The following KIF26B variants were observed in gnomAD, a reference collection of about 807,000 sequenced individuals.
KIF26B encodes kinesin family member 26B.
In KIF26B, 63 loss-of-function variants were observed where a neutral mutation model predicts 151.2. The ratio of observed to expected loss-of-function variants is 0.42; its 90% CI spans 0.34 to 0.51. The LOEUF (loss-of-function observed/expected upper bound fraction) is 0.51. Ranked by LOEUF, KIF26B falls within the 20% of genes least tolerant of loss-of-function variation. The pLI is 0.07. For synonymous variants in KIF26B, 1,357 were observed against 1,262.1 expected (o/e 1.08, Z -1.59); for missense variants, 2,813 against 2,913.6 (o/e 0.97, Z 0.79).
chr1:245,510,576 T>TTCTC (rs4021193), intron 4 of KIF26B, among the ~76,000 whole-genome samples: 2,938 of 134,020 alleles, frequency 0.022, 105 homozygotes, highest in African/African-American at 0.077. Flanking sequence ...TTAGCAGAGC[T>TTCTC]TCTCTCTCTC....
chr1:245,325,456 G>A (rs1044167282), intron 2 of KIF26B, among the ~76,000 whole-genome samples: 7 of 152,240 alleles, frequency 4.6e-5, no homozygotes, highest in African/African-American at 1.7e-4. Context: ...GCTCACGCCA[G>A]TAATCCCAGC....
intron 2 of KIF26B, among the ~76,000 whole-genome samples, chr1:245,320,408 CCT>C (rs948267026): frequency 2.6e-5 from 4 of 152,308 alleles, no homozygotes; most frequent in African/African-American, 4.8e-5. Context: ...CTCAGTTTCC[CCT>C]GTTATTAGCA....
At chr1:245,309,519 G>T (rs1671624121) in intron 2 of KIF26B, among the ~76,000 whole-genome samples, 1 of 152,068 alleles carries the variant, frequency 6.6e-6, no homozygotes, top group East Asian at 1.9e-4. Context: ...CTGGTTCTCA[G>T]CCCTTTGGAC....
intron 3 of KIF26B, among the ~76,000 whole-genome samples, chr1:245,369,013 C>T (rs1287733126): frequency 6.6e-6 from 1 of 152,122 alleles, no homozygotes; most frequent in Non-Finnish European, 1.5e-5. Flanking sequence ...TGGCATGCGC[C>T]TGTAGTGTCA....
chr1:245,372,131 T>G (rs1392589594), intron 3 of KIF26B, among the ~76,000 whole-genome samples: 1 of 152,030 alleles, frequency 6.6e-6, no homozygotes, highest in Non-Finnish European at 1.5e-5. Context: ...CATTACCTCC[T>G]GAGCTCCATC....
intron 10 of KIF26B, among the ~76,000 whole-genome samples, chr1:245,679,942 C>G (rs2044410632): frequency 6.6e-6 from 1 of 152,128 alleles, no homozygotes; most frequent in Admixed American, 6.5e-5. Flanking sequence ...CCAGGGCCCC[C>G]CAACCCAAAC....
At chr1:245,605,361 C>T (rs545053570) in intron 6 of KIF26B, among the ~76,000 whole-genome samples, 2 of 152,282 alleles carry the variant, frequency 1.3e-5, no homozygotes, top group East Asian at 1.9e-4. Flanking sequence ...AGGGAGTGTG[C>T]GGAGTGGGCC....
At chr1:245,324,155 TGGA>T (rs1671941050) in intron 2 of KIF26B, among the ~76,000 whole-genome samples, 1 of 149,304 alleles carries the variant, frequency 6.7e-6, no homozygotes, top group Non-Finnish European at 1.5e-5. Flanking sequence ...GGAGGTGGGG[TGGA>T]CCCTGATGTG....
At chr1:245,344,268 A>G (rs1359445498) in intron 2 of KIF26B, among the ~76,000 whole-genome samples, 2 of 145,436 alleles carry the variant, frequency 1.4e-5, no homozygotes, top group South Asian at 4.3e-4. Context: ...TTTTTCTTCC[A>G]TCTCTTAATT....
chr1:245,277,863 G>A (rs1162009059), intron 2 of KIF26B, among the ~76,000 whole-genome samples: 1 of 152,090 alleles, frequency 6.6e-6, no homozygotes, highest in Non-Finnish European at 1.5e-5. Context: ...AAAACCACAA[G>A]GAGGTATGCT....
intron 12 of KIF26B, among the ~76,000 whole-genome samples, chr1:245,697,268 G>C (rs983564925): frequency 2.6e-5 from 4 of 152,214 alleles, no homozygotes; most frequent in African/African-American, 9.7e-5. Flanking sequence ...CCTGTACCAT[G>C]CAAGAGTTTA....
At position 245,495,032 on chromosome 1, in the gene KIF26B, GAGAAA is replaced by G. The variant is rs146169441; in HGVS notation, c.1167-45719_1167-45715del. ...GTGACAGAGATCCTGTCTCACAAAA[GAGAAA>G]AGAAAAGAAAAGAAATAAAGAAAAG... On this transcript the variant is annotated intron_variant, in intron 4 of 14. Coordinates refer to ENST00000407071, the MANE Select transcript of KIF26B (RefSeq NM_018012.4). The surrounding 1 kb of genome is among the most constrained non-coding windows in gnomAD (Gnocchi z 4.2). Among the ~76,000 whole-genome samples, 3,838 of 151,984 alleles carry G rather than the reference GAGAAA, an allele frequency of 0.025. 156 individuals are homozygous for G. The highest frequency in any genetic ancestry group is 0.086 in the African/African-American group (3,562 of 41,408).
intron 2 of KIF26B, among the ~76,000 whole-genome samples, chr1:245,336,549 G>C (rs2102993783): frequency 6.6e-6 from 1 of 152,342 alleles, no homozygotes; most frequent in East Asian, 1.9e-4. Context: ...GCAGGAAAAG[G>C]TTCTCTCTGG....
At chr1:245,415,268 C>T (rs111740692) in intron 3 of KIF26B, among the ~76,000 whole-genome samples, 3,085 of 152,272 alleles carry the variant, frequency 0.02, 48 homozygotes, top group Middle Eastern at 0.037. Context: ...CAGAGAGCTT[C>T]AGAAAGAATT....
At chr1:245,477,532 C>A (rs995723130) in intron 4 of KIF26B, among the ~76,000 whole-genome samples, 1 of 151,706 alleles carries the variant, frequency 6.6e-6, no homozygotes, top group African/African-American at 2.4e-5. Context: ...AGCGCAGGTA[C>A]GGAAGTGGAA....
chr1:245,469,785 G>A (rs1481704436), intron 4 of KIF26B, among the ~76,000 whole-genome samples: 1 of 152,156 alleles, frequency 6.6e-6, no homozygotes. Context: ...GAGCCCTATT[G>A]CAACACATCC....
At chr1:245,580,121 T>C (rs976902168) in intron 5 of KIF26B, among the ~76,000 whole-genome samples, 1 of 152,202 alleles carries the variant, frequency 6.6e-6, no homozygotes, top group Non-Finnish European at 1.5e-5. Flanking sequence ...GCATAACTGC[T>C]GTAACAGCTG....
chr1:245,562,099 C>G (rs559484810), intron 5 of KIF26B, among the ~76,000 whole-genome samples: 4 of 152,076 alleles, frequency 2.6e-5, no homozygotes, highest in African/African-American at 9.7e-5. Context: ...GTCCTCCAGC[C>G]GTACTTTGTC....
At chr1:245,274,068 C>T (rs565331800) in intron 2 of KIF26B, among the ~76,000 whole-genome samples, 13 of 152,188 alleles carry the variant, frequency 8.5e-5, no homozygotes, top group Non-Finnish European at 1.9e-4. Context: ...TTACATAAAA[C>T]ATTTTATAGT....
Sources: gnomAD v4.1 joint callset for allele counts (sites outside exome capture counted in the v4.1 genomes callset) on GRCh38, gnomAD v4.1.1 for gene constraint, Gnocchi (gnomAD v3.1) non-coding constraint, MANE v1.5 for transcripts, NCBI Gene and HGNC (gene_info 2026-07-23, HGNC 2026-07-21) for gene names.